LDB2: variants seen among roughly 807,000 people sequenced by gnomAD.
LDB2 encodes LIM domain binding 2, also known as LIM domain-binding protein 2.
A neutral mutation model predicts 44.3 loss-of-function variants in LDB2; 12 were observed. The ratio of observed to expected loss-of-function variants is 0.27; its 90% confidence interval spans 0.17 to 0.44. The LOEUF is 0.44. LDB2 is among the 20% of genes least tolerant of loss of function. LDB2 has a pLI of 1.00. For missense variants in LDB2, 344 were observed against 473.5 expected (o/e 0.73, Z 2.54); for synonymous variants, 164 against 174.8 (o/e 0.94, Z 0.49).
chr4:16,714,706 T>G (rs558906129), intron 2 of LDB2, among the ~76,000 whole-genome samples: 18 of 152,296 alleles, frequency 1.2e-4, no homozygotes, highest in African/African-American at 3.6e-4. Context: ...TGATTTCATC[T>G]GGAAGTTCTG....
chr4:16,635,394 A>G (rs1733305474), intron 2 of LDB2, among the ~76,000 whole-genome samples: 1 of 152,174 alleles, frequency 6.6e-6, no homozygotes, highest in South Asian at 2.1e-4. Context: ...AATGGTTGGG[A>G]GTCAGAGCTT....
intron 5 of LDB2, among the ~76,000 whole-genome samples, chr4:16,560,738 A>G (rs529830704): frequency 1.3e-5 from 2 of 152,336 alleles, no homozygotes; most frequent in East Asian, 3.9e-4. Flanking sequence ...TCATCCTGAT[A>G]CCAAAGCCCG....
At chr4:16,678,823 C>G (rs959873342) in intron 2 of LDB2, among the ~76,000 whole-genome samples, 1 of 152,304 alleles carries the variant, frequency 6.6e-6, no homozygotes, top group African/African-American at 2.4e-5. Flanking sequence ...TAAGGGAAAT[C>G]TCACTTAATC....
intron 2 of LDB2, among the ~76,000 whole-genome samples, chr4:16,741,919 G>C (rs1040099593): frequency 6.6e-6 from 1 of 152,026 alleles, no homozygotes; most frequent in Non-Finnish European, 1.5e-5. Context: ...ATGAGGTCAG[G>C]GGCTCTTGCT....
intron 1 of LDB2, among the ~76,000 whole-genome samples, chr4:16,808,266 G>C (rs893292007): frequency 1.3e-5 from 2 of 152,190 alleles, no homozygotes; most frequent in African/African-American, 4.8e-5. Context: ...ACTCTAGACA[G>C]AGCTCCCCAA....
At chr4:16,879,064 C>T (rs1424805788) in intron 1 of LDB2, among the ~76,000 whole-genome samples, 1 of 152,140 alleles carries the variant, frequency 6.6e-6, no homozygotes, top group Non-Finnish European at 1.5e-5. Context: ...AAATTTCCTG[C>T]AAGAAATGCC....
chr4:16,596,774 T>C (rs2173075), intron 2 of LDB2, among the ~76,000 whole-genome samples: 97,547 of 152,030 alleles, frequency 0.64, 31,495 homozygotes, highest in Middle Eastern at 0.73. Context: ...GTTTCAGCGA[T>C]TGTGTAAGTA....
At chr4:16,560,088 G>C (rs942062888) in intron 5 of LDB2, among the ~76,000 whole-genome samples, 1 of 152,136 alleles carries the variant, frequency 6.6e-6, no homozygotes, top group Non-Finnish European at 1.5e-5. Flanking sequence ...GAAATTTATA[G>C]CACTAAATGC....
At chr4:16,630,043 A>C (rs1446515010) in intron 2 of LDB2, among the ~76,000 whole-genome samples, 3 of 152,234 alleles carry the variant, frequency 2.0e-5, no homozygotes. Context: ...AACTTCTCCA[A>C]CCTAGCAAGG....
At chr4:16,630,690 T>G (rs933263383) in intron 2 of LDB2, among the ~76,000 whole-genome samples, 1 of 151,952 alleles carries the variant, frequency 6.6e-6, no homozygotes, top group Non-Finnish European at 1.5e-5. Flanking sequence ...TATCAGGAGA[T>G]CCATCTCACA....
chr4:16,881,564 T>C (rs536300165), intron 1 of LDB2, among the ~76,000 whole-genome samples: 4 of 151,990 alleles, frequency 2.6e-5, no homozygotes, highest in Admixed American at 2.6e-4. Flanking sequence ...CTTCCTAAAG[T>C]TCTCTCGATA....
intron 1 of LDB2, among the ~76,000 whole-genome samples, chr4:16,814,324 A>G (rs1780512165): frequency 6.6e-6 from 1 of 152,226 alleles, no homozygotes; most frequent in African/African-American, 2.4e-5. Flanking sequence ...CCATGTGTCA[A>G]TAGCAGAACC....
At chr4:16,861,039 A>G (rs1712375382) in intron 1 of LDB2, among the ~76,000 whole-genome samples, 1 of 152,234 alleles carries the variant, frequency 6.6e-6, no homozygotes. Context: ...AGCAGGCTTC[A>G]TTAGGGTATG....
chr4:16,677,496 T>C (rs764796792), intron 2 of LDB2, among the ~76,000 whole-genome samples: 24 of 152,176 alleles, frequency 1.6e-4, no homozygotes, highest in Non-Finnish European at 2.5e-4. Flanking sequence ...GCAGAAGAAC[T>C]GGATTACAAT....
At chr4:16,578,536 G>C (rs1712816863) in intron 5 of LDB2, among the ~76,000 whole-genome samples, 1 of 152,052 alleles carries the variant, frequency 6.6e-6, no homozygotes, top group African/African-American at 2.4e-5. Context: ...ATGGTTTTTA[G>C]CCAAAAGACA....
intron 1 of LDB2, among the ~76,000 whole-genome samples, chr4:16,891,917 T>C (rs1723524022): frequency 1.3e-5 from 2 of 152,254 alleles, no homozygotes; most frequent in Non-Finnish European, 2.9e-5. Flanking sequence ...AGTTACAACC[T>C]CTGAAGCTAA....
intron 1 of LDB2, among the ~76,000 whole-genome samples, chr4:16,863,912 G>C (rs549703958): frequency 2.7e-4 from 41 of 152,136 alleles, no homozygotes; most frequent in Middle Eastern, 3.4e-3. Context: ...CGCCCGCCTC[G>C]GCTTCCCGAA....
intron 2 of LDB2, among the ~76,000 whole-genome samples, chr4:16,758,763 G>A (rs1767239497): frequency 6.6e-6 from 1 of 152,216 alleles, no homozygotes; most frequent in South Asian, 2.1e-4. Flanking sequence ...GGATGTGGCT[G>A]ATACAGTGAC....
At chr4:16,659,806 A>G (rs996671209) in intron 2 of LDB2, among the ~76,000 whole-genome samples, 3 of 152,040 alleles carry the variant, frequency 2.0e-5, no homozygotes, top group Non-Finnish European at 4.4e-5. Flanking sequence ...AATAGGAGTC[A>G]TGTGACTCTG....
Sources: allele counts gnomAD v4.1 joint callset (sites outside exome capture counted in the v4.1 genomes callset), GRCh38; gene constraint gnomAD v4.1.1; transcripts MANE v1.5; gene names NCBI Gene and HGNC (gene_info 2026-07-23, HGNC 2026-07-21).